The following LINGO1 variants were observed in gnomAD, a reference collection of about 807,000 sequenced individuals.
LINGO1 encodes leucine rich repeat and Ig domain containing 1, also known as leucine-rich repeat and immunoglobulin-like domain-containing nogo receptor-interacting protein 1.
In LINGO1, 11 loss-of-function variants were observed where a neutral mutation model predicts 37.3. The ratio of observed to expected loss-of-function variants is 0.29; its 90% CI spans 0.19 to 0.49. The LOEUF (loss-of-function observed/expected upper bound fraction) is 0.49. Among genes scored for constraint, LINGO1 ranks in the 20% least tolerant of loss-of-function variants. The pLI, the probability that LINGO1 is intolerant of heterozygous loss-of-function variation, is 0.99. For synonymous variants in LINGO1, 387 were observed against 403.0 expected (o/e 0.96, Z 0.48); for missense variants, 585 against 878.2 (o/e 0.67, Z 4.22).
At chr15:77,710,146 G>A (rs2075901020) in intron 2 of LINGO1, among the ~76,000 whole-genome samples, 1 of 152,206 alleles carries the variant, frequency 6.6e-6, no homozygotes, top group Non-Finnish European at 1.5e-5. Context: ...AGGGGGGCAG[G>A]GGCTGCCGTG....
intron 2 of LINGO1, among the ~76,000 whole-genome samples, chr15:77,701,664 C>T (rs1047904572): frequency 3.3e-5 from 5 of 152,098 alleles, no homozygotes; most frequent in African/African-American, 1.2e-4. Context: ...CTATTAGTTC[C>T]CATGAGAACT....
chr15:77,819,645 C>G (rs1480736422), intron 1 of LINGO1: 3 of 151,434 alleles, frequency 2.0e-5, no homozygotes. Context: ...GGAGCGCTCA[C>G]AAAGACCCCC....
chr15:77,806,363 A>C (rs903252133), intron 1 of LINGO1, among the ~76,000 whole-genome samples: 1 of 152,164 alleles, frequency 6.6e-6, no homozygotes, highest in Non-Finnish European at 1.5e-5. Flanking sequence ...AACAGGAAGA[A>C]GCACAGGGCT....
chr15:77,740,978 G>A (rs781206885), intron 1 of LINGO1, among the ~76,000 whole-genome samples: 13 of 152,268 alleles, frequency 8.5e-5, no homozygotes, highest in Middle Eastern at 3.4e-3. Context: ...CATCTCCTGG[G>A]GCTCAGGCAT....
intron 1 of LINGO1, among the ~76,000 whole-genome samples, chr15:77,746,580 G>A (rs1004518329): frequency 6.6e-6 from 1 of 152,148 alleles, no homozygotes; most frequent in African/African-American, 2.4e-5. Context: ...GTTGATGGGT[G>A]GTCAGGTGCA....
intron 2 of LINGO1, among the ~76,000 whole-genome samples, chr15:77,719,802 GCA>G (rs940471340): frequency 7.0e-5 from 3 of 42,716 alleles, no homozygotes; most frequent in Non-Finnish European, 1.3e-4. Context: ...ACACACACAC[GCA>G]CACTCACACG....
intron 1 of LINGO1, among the ~76,000 whole-genome samples, chr15:77,809,751 A>G (rs2076988037): frequency 6.6e-6 from 1 of 152,226 alleles, no homozygotes; most frequent in African/African-American, 2.4e-5. Context: ...CCTGGCTCTC[A>G]GAGCAGAGGA....
chr15:77,812,340 C>T (rs72730753), intron 1 of LINGO1, among the ~76,000 whole-genome samples: 11,417 of 152,188 alleles, frequency 0.075, 572 homozygotes, highest in African/African-American at 0.15. Context: ...GAAATGATGA[C>T]AAGTCAGTAA....
chr15:77,757,853 C>G (rs1681613561), intron 1 of LINGO1, among the ~76,000 whole-genome samples: 1 of 152,238 alleles, frequency 6.6e-6, no homozygotes, highest in Admixed American at 6.5e-5. Context: ...ATAGGCCCCC[C>G]ATAAGGAGCC....
chr15:77,639,373 G>A (rs1479273911), intron 3 of LINGO1, among the ~76,000 whole-genome samples: 2 of 151,996 alleles, frequency 1.3e-5, no homozygotes, highest in East Asian at 1.9e-4. Context: ...CCAGTGTGGC[G>A]AGGGTATTGA....
Position 77,632,780 on chromosome 15 carries a change from C to T in LINGO1, c.-465G>A, listed in dbSNP as rs1349558307. On this transcript the variant is annotated 5_prime_UTR_variant, in exon 1 of 2. Coordinates refer to ENST00000355300, the MANE Select transcript of LINGO1 (RefSeq NM_032808.7). The surrounding 1 kb of genome is among the most constrained non-coding windows in gnomAD (Gnocchi z 6.0). ...GCCGGAGCGGCGCGGGTGGGGACTC[C>T]GCGCCCTCCGGGGCCGGGACCAGGA... is the stretch of plus-strand genomic sequence containing the variant. 6.8e-6 allele frequency among the ~76,000 whole-genome samples: 1 copy of T among 146,154 alleles called. No homozygotes were observed. Among genetic ancestry groups the T allele is most frequent in the Non-Finnish European group, 1.5e-5 (1 of 65,724 alleles).
At chr15:77,655,626 A>C (rs1390980376) in intron 3 of LINGO1, among the ~76,000 whole-genome samples, 1 of 152,190 alleles carries the variant, frequency 6.6e-6, no homozygotes, top group East Asian at 1.9e-4. Flanking sequence ...ACACCACTGG[A>C]AACCTTCAAG....
intron 2 of LINGO1, among the ~76,000 whole-genome samples, chr15:77,713,868 C>T (rs1036501356): frequency 3.9e-5 from 6 of 152,130 alleles, no homozygotes. Flanking sequence ...CCTTCTCAGC[C>T]TCCTGTGAAG....
chr15:77,810,889 G>A (rs1596252194), intron 1 of LINGO1, among the ~76,000 whole-genome samples: 2 of 152,202 alleles, frequency 1.3e-5, no homozygotes, highest in African/African-American at 4.8e-5. Context: ...CCAGGCTCGG[G>A]CAGGAGGCCG....
rs777833274 is a variant in LINGO1 at position 77,794,277 on chromosome 15, C to CAT, written c.-343+1660_-343+1661dup. ...GCCAACTAATTAGCAGAAACATATA[C>CAT]ATATATATATATGTATGTATATATA... On this transcript the variant is annotated intron_variant, in intron 2 of 5. Coordinates refer to the LINGO1 transcript ENST00000562933. Among the ~76,000 whole-genome samples the CAT allele has an allele frequency of 5.9e-3, 628 of 105,786 alleles. 23 individuals carry two copies. The highest frequency in any genetic ancestry group is 9.9e-3 in the African/African-American group (281 of 28,514). 69.4% of individuals were successfully genotyped at this position (105,786 alleles called of 152,430 possible).
At chr15:77,640,220 A>G (rs1452377627) in intron 3 of LINGO1, among the ~76,000 whole-genome samples, 1 of 152,232 alleles carries the variant, frequency 6.6e-6, no homozygotes, top group Non-Finnish European at 1.5e-5. Flanking sequence ...AGAGACTCGC[A>G]AAGTCTTGAT....
At chr15:77,748,870 AT>A (rs1487265479) in intron 1 of LINGO1, among the ~76,000 whole-genome samples, 1 of 100,822 alleles carries the variant, frequency 9.9e-6, no homozygotes, top group Non-Finnish European at 2.0e-5. Flanking sequence ...TTATTTATTT[AT>A]TTATTTATTT....
At chr15:77,700,966 G>T (rs1364905559), upstream of LINGO1, among the ~76,000 whole-genome samples, 2 of 152,212 alleles carry the variant, frequency 1.3e-5, no homozygotes, top group Non-Finnish European at 2.9e-5. Flanking sequence ...GCATCACCAT[G>T]GAAGAGGGAC....
At chr15:77,780,623 C>A (rs2076706764) in intron 1 of LINGO1, among the ~76,000 whole-genome samples, 1 of 152,014 alleles carries the variant, frequency 6.6e-6, no homozygotes, top group African/African-American at 2.4e-5. Flanking sequence ...TCTGTCCTGG[C>A]AAATTTATAC....
Sources: gnomAD v4.1 joint callset for allele counts (sites outside exome capture counted in the v4.1 genomes callset) on GRCh38, gnomAD v4.1.1 for gene constraint, Gnocchi (gnomAD v3.1) non-coding constraint, MANE v1.5 for transcripts, NCBI Gene and HGNC (gene_info 2026-07-23, HGNC 2026-07-21) for gene names.